The following FGF12 variants were observed in gnomAD, a reference collection of about 807,000 sequenced individuals.
FGF12 encodes fibroblast growth factor 12.
In FGF12, 14 loss-of-function variants were observed where a neutral mutation model predicts 23.6. The ratio of observed to expected loss-of-function variants is 0.59; its 90% CI spans 0.39 to 0.93. The LOEUF is 0.93. Ranked by LOEUF, FGF12 falls within the 40% of genes least tolerant of loss-of-function variation. The probability of loss-of-function intolerance (pLI) is 0.00; values close to 1 mark genes in which losing one functional copy is unlikely to be tolerated. For synonymous variants in FGF12, 62 were observed against 77.3 expected, an observed-to-expected ratio of 0.80 and a Z score of 1.04; for missense variants, 175 against 217.8, an observed-to-expected ratio of 0.80 and a Z score of 1.24.
intron 2 of FGF12, among the ~76,000 whole-genome samples, chr3:192,601,862 GGGAATAAGGA>G (rs1714128372): frequency 6.6e-6 from 1 of 152,032 alleles, no homozygotes; most frequent in Non-Finnish European, 1.5e-5. Context: ...ATATTTTTCA[GGGAATAAGGA>G]AAACAAAAGA....
rs537269747 is a variant in FGF12 at position 192,490,334 on chromosome 3, A to G, written c.14-129796T>C. On this transcript the variant is annotated intron_variant, in intron 2 of 5. Coordinates refer to ENST00000445105, the MANE Select transcript of FGF12 (RefSeq NM_004113.6). ...TGCCATCTTTATTTTTCTTCATCAAAAGTTATGTTAGTACAGGTGTATTTC... is the reference window on the plus strand; with the variant it reads ...TGCCATCTTTATTTTTCTTCATCAAGAGTTATGTTAGTACAGGTGTATTTC... Among the ~76,000 whole-genome samples, 9 of 152,074 alleles carry G rather than the reference A, an allele frequency of 5.9e-5. No individual in the cohort carries two copies. The East Asian group carries it at 1.7e-3, about 29-fold the overall frequency.
At chr3:192,300,499 G>A (rs1489018097) in intron 4 of FGF12, among the ~76,000 whole-genome samples, 2 of 152,136 alleles carry the variant, frequency 1.3e-5, no homozygotes, top group South Asian at 2.1e-4. Context: ...CCAGGTCCTG[G>A]GGGAAGCATG....
intron 4 of FGF12, among the ~76,000 whole-genome samples, chr3:192,311,675 G>A (rs1181562876): frequency 6.6e-6 from 1 of 152,190 alleles, no homozygotes; most frequent in Admixed American, 6.5e-5. Context: ...CCGTGGAACT[G>A]TTGGGTCATA....
Position 192,727,207 on chromosome 3 carries a change from G to C in FGF12, c.-14C>G. ...TTTGCTCTCCATTTCGGTCCCTTTC[G>C]AGTGCTGGGAAGTTCAATGGAAGTT... On this transcript the variant is annotated 5_prime_UTR_variant, in exon 2 of 6. Transcript: ENST00000445105. 1 of 1,577,688 alleles carries C rather than the reference G, an allele frequency of 6.3e-7. No homozygotes were observed. The highest frequency in any genetic ancestry group is 8.6e-7 in the Non-Finnish European group (1 of 1,161,488).
At chr3:192,553,968 G>A (rs1440103556) in intron 2 of FGF12, among the ~76,000 whole-genome samples, 1 of 152,186 alleles carries the variant, frequency 6.6e-6, no homozygotes, top group Non-Finnish European at 1.5e-5. Flanking sequence ...AGAATGAGTA[G>A]GGAGAAAAAG....
At chr3:192,493,320 G>A (rs1723854464) in intron 2 of FGF12, among the ~76,000 whole-genome samples, 1 of 152,042 alleles carries the variant, frequency 6.6e-6, no homozygotes, top group South Asian at 2.1e-4. Context: ...TCTGCATTAG[G>A]AGCACAGTTA....
chr3:192,463,608 C>T (rs992833195), intron 2 of FGF12, among the ~76,000 whole-genome samples: 1 of 152,066 alleles, frequency 6.6e-6, no homozygotes, highest in Non-Finnish European at 1.5e-5. Context: ...AACAGTCGTG[C>T]GTTTTGATTC....
intron 2 of FGF12, among the ~76,000 whole-genome samples, chr3:192,721,217 A>G (rs1318811794): frequency 2.6e-5 from 4 of 152,226 alleles, no homozygotes; most frequent in African/African-American, 7.2e-5. Context: ...GTAAAGAGAG[A>G]TACAGCTAAA....
Position 192,469,629 on chromosome 3 carries a change from T to C in FGF12, c.14-109091A>G, listed in dbSNP as rs562991838. Among the ~76,000 whole-genome samples, 11 of 152,316 alleles carry C rather than the reference T, an allele frequency of 7.2e-5. 1 individual carries two copies. In the South Asian group the frequency reaches 2.3e-3, roughly 32 times the overall value. On this transcript the variant is annotated intron_variant, in intron 2 of 5. Transcript: ENST00000445105. Reference sequence around the variant, plus strand: ...GGCTAAGTGAAATTAAGTAGCTCTATGTTTTATGACCCAGAGAATCTGTTC... The same window carrying C: ...GGCTAAGTGAAATTAAGTAGCTCTACGTTTTATGACCCAGAGAATCTGTTC...
At chr3:192,160,158 G>C (rs1467205610) in intron 5 of FGF12, among the ~76,000 whole-genome samples, 1 of 152,050 alleles carries the variant, frequency 6.6e-6, no homozygotes, top group East Asian at 1.9e-4. Context: ...TAAAACCCTA[G>C]AGTCCAATCT....
chr3:192,676,841 C>T (rs1196302187), intron 2 of FGF12, among the ~76,000 whole-genome samples: 1 of 152,216 alleles, frequency 6.6e-6, no homozygotes, highest in Admixed American at 6.5e-5. Flanking sequence ...ATGGAACAGA[C>T]TATCCCTAAT....
chr3:192,605,100 C>G (rs948362119), intron 2 of FGF12, among the ~76,000 whole-genome samples: 2 of 152,094 alleles, frequency 1.3e-5, no homozygotes, highest in African/African-American at 4.8e-5. Flanking sequence ...AGAAGAGGGT[C>G]AGGGGCAGTG....
At chr3:192,419,669 T>A (rs1399900460) in intron 2 of FGF12, among the ~76,000 whole-genome samples, 1 of 152,074 alleles carries the variant, frequency 6.6e-6, no homozygotes, top group Non-Finnish European at 1.5e-5. Flanking sequence ...AAGGCAATAC[T>A]TGGGAAAACT....
intron 2 of FGF12, among the ~76,000 whole-genome samples, chr3:192,368,758 A>G (rs1013769622): frequency 6.6e-6 from 1 of 152,054 alleles, no homozygotes; most frequent in Non-Finnish European, 1.5e-5. Context: ...CTTTCATGCT[A>G]CAACAACAAA....
Position 192,200,070 on chromosome 3 carries a change from G to A in FGF12, c.229-29414C>T, listed in dbSNP as rs1441424700. Among the ~76,000 whole-genome samples, 10 of 151,768 alleles carry A rather than the reference G, an allele frequency of 6.6e-5. No homozygotes were observed. In the East Asian group the frequency reaches 9.7e-4, roughly 15 times the overall value. The stretch of plus-strand genomic sequence containing the variant: ...AGTGGCTCACTCCTGTAATCCCAGC[G>A]CTTTGGGAGGCCGAGGTGGGTGGAT... On this transcript the variant is annotated intron_variant, in intron 4 of 5. Transcript: ENST00000445105.
chr3:192,543,499 C>T (rs1725424443), intron 2 of FGF12, among the ~76,000 whole-genome samples: 2 of 151,992 alleles, frequency 1.3e-5, no homozygotes, highest in Admixed American at 1.3e-4. Context: ...GGTGCTCTAC[C>T]CCATTGTGGC....
intron 4 of FGF12, among the ~76,000 whole-genome samples, chr3:192,261,059 G>A (rs1341826372): frequency 6.6e-6 from 1 of 152,090 alleles, no homozygotes; most frequent in Non-Finnish European, 1.5e-5. Context: ...ACCACAAAGA[G>A]ACCGGCCACA....
intron 2 of FGF12, among the ~76,000 whole-genome samples, chr3:192,374,402 C>G (rs1719380073): frequency 6.6e-6 from 1 of 152,160 alleles, no homozygotes; most frequent in Non-Finnish European, 1.5e-5. Context: ...TATTGAGGCT[C>G]TGAAAACATC....
intron 4 of FGF12, among the ~76,000 whole-genome samples, chr3:192,211,575 C>A (rs2859833): frequency 0.15 from 23,030 of 151,694 alleles, 2,161 homozygotes; most frequent in African/African-American, 0.26. Context: ...ACAGGTGCCC[C>A]CCACCACGCC....
Sources: allele counts gnomAD v4.1 joint callset (sites outside exome capture counted in the v4.1 genomes callset), GRCh38; gene constraint gnomAD v4.1.1; transcripts MANE v1.5; gene names NCBI Gene and HGNC (gene_info 2026-07-23, HGNC 2026-07-21).